TWSG1: variants seen among roughly 807,000 people sequenced by gnomAD.
TWSG1 encodes the protein twisted gastrulation BMP signaling modulator 1.
Under a neutral mutation model 23.0 loss-of-function variants are expected in TWSG1, and 15 were observed. The ratio of observed to expected loss-of-function variants is 0.65; its 90% CI spans 0.44 to 1.00. The LOEUF is 1.00. Among genes scored for constraint, TWSG1 ranks in the 50% least tolerant of loss-of-function variants. The pLI is 0.00. For missense variants in TWSG1, 242 were observed against 278.7 expected (o/e 0.87, Z 0.94); for synonymous variants, 86 against 92.8 (o/e 0.93, Z 0.42).
Position 9,396,479 on chromosome 18 carries a change from C to A in TWSG1, c.423C>A (p.Asn141Lys). The change falls in exon 4 of 5, where the codon AAC becomes AAA. Residue 141 changes from asparagine to lysine, a missense_variant. Physicochemically the swap from Asn to Lys is moderately conservative, Grantham distance 94. Coordinates refer to ENST00000262120, the MANE Select transcript of TWSG1 (RefSeq NM_020648.6). ...ENLVSFLETV[N>K]QPHHQNVSVP... ...TGGTTTCATTTTTAGAAACTGTGAACCAGCCACACCACCAGAATGTGTCTG... is the reference window on the plus strand; with the variant it reads ...TGGTTTCATTTTTAGAAACTGTGAAACAGCCACACCACCAGAATGTGTCTG... The A allele has an allele frequency of 6.2e-7, 1 of 1,614,104 alleles. No individual in the cohort carries two copies. The highest frequency in any genetic ancestry group is 8.5e-7 in the Non-Finnish European group (1 of 1,180,032).
At chr18:9,345,572 C>T (rs1271400419) in intron 2 of TWSG1, among the ~76,000 whole-genome samples, 5 of 152,258 alleles carry the variant, frequency 3.3e-5, no homozygotes, top group Middle Eastern at 3.4e-3. Flanking sequence ...TCACCATAAA[C>T]GGTTTATTTA....
intron 3 of TWSG1, among the ~76,000 whole-genome samples, chr18:9,374,214 G>T (rs2040618685): frequency 6.6e-6 from 1 of 151,866 alleles, no homozygotes; most frequent in Admixed American, 6.6e-5. Context: ...CAATGAAATT[G>T]AAAATAAGAA....
chr18:9,397,867 G>A (rs1168459024), intron 4 of TWSG1, among the ~76,000 whole-genome samples: 4 of 152,036 alleles, frequency 2.6e-5, no homozygotes, highest in Admixed American at 6.6e-5. Context: ...AGCTGGGCGT[G>A]GTAGCACATG....
chr18:9,365,536 C>T (rs1025399720), intron 3 of TWSG1, among the ~76,000 whole-genome samples: 3 of 151,830 alleles, frequency 2.0e-5, no homozygotes, highest in Non-Finnish European at 4.4e-5. Flanking sequence ...GCATGGGTGG[C>T]ATGTGCCTGT....
At chr18:9,337,104 GA>G in intron 1 of TWSG1, 88 bp from the exon 2 acceptor site, 1 of 1,143,294 alleles carries the variant, frequency 8.7e-7, no homozygotes, top group South Asian at 1.4e-5. Context: ...CACAAACAAT[GA>G]GTCTTAGTTT....
chr18:9,391,516 A>G (rs576918953), intron 3 of TWSG1, among the ~76,000 whole-genome samples: 1 of 152,212 alleles, frequency 6.6e-6, no homozygotes, highest in African/African-American at 2.4e-5. Context: ...CTTACAAGAT[A>G]TATTTCTTGT....
intron 4 of TWSG1, 125 bp from the exon 5 acceptor site, chr18:9,399,221 C>CA: frequency 3.6e-6 from 2 of 560,270 alleles, no homozygotes; most frequent in Non-Finnish European, 6.0e-6. Flanking sequence ...TCATCTTTGT[C>CA]ATGTACAGAC....
intron 3 of TWSG1, among the ~76,000 whole-genome samples, chr18:9,375,920 C>CTTTTTTTTTTTTTTT (rs535999368): frequency 6.7e-6 from 1 of 148,518 alleles, no homozygotes. Context: ...CATCTATAGA[C>CTTTTTTTTTTTTTTT]TTTTTTTTTT....
At chr18:9,395,677 C>T (rs1007694425) in intron 3 of TWSG1, among the ~76,000 whole-genome samples, 11 of 152,184 alleles carry the variant, frequency 7.2e-5, no homozygotes, top group African/African-American at 1.7e-4. Flanking sequence ...GAAATCCTCC[C>T]GCCTCAGCCT....
chr18:9,384,922 C>T (rs992419698), intron 3 of TWSG1, among the ~76,000 whole-genome samples: 3 of 152,154 alleles, frequency 2.0e-5, no homozygotes, highest in Non-Finnish European at 4.4e-5. Context: ...CTGGGATTTA[C>T]AGGCATGAGC....
chr18:9,360,290 G>C (rs796165530), intron 3 of TWSG1, among the ~76,000 whole-genome samples: 6 of 152,250 alleles, frequency 3.9e-5, no homozygotes, highest in African/African-American at 1.4e-4. Context: ...GTAGGAGTGG[G>C]GGGCCAAGGC....
At chr18:9,346,304 C>T (rs9945647) in intron 2 of TWSG1, among the ~76,000 whole-genome samples, 1 of 152,122 alleles carries the variant, frequency 6.6e-6, no homozygotes, top group African/African-American at 2.4e-5. Context: ...TCCTTTATGT[C>T]TTTTCATGGC....
At chr18:9,374,171 A>T (rs566275021) in intron 3 of TWSG1, among the ~76,000 whole-genome samples, 5 of 152,340 alleles carry the variant, frequency 3.3e-5, no homozygotes, top group African/African-American at 9.6e-5. Context: ...AAGTAAGCAG[A>T]AGAAAAGAAG....
chr18:9,340,347 G>A (rs564459092), intron 2 of TWSG1, among the ~76,000 whole-genome samples: 97 of 115,324 alleles, frequency 8.4e-4, no homozygotes, highest in South Asian at 1.4e-3. Context: ...CAGCCTGGGC[G>A]ACAGAGCAAG....
At chr18:9,369,524 C>T (rs1204500109) in intron 3 of TWSG1, among the ~76,000 whole-genome samples, 1 of 152,174 alleles carries the variant, frequency 6.6e-6, no homozygotes, top group Admixed American at 6.5e-5. Flanking sequence ...ACCTCGCCTT[C>T]CCAAATGCTG....
intron 2 of TWSG1, among the ~76,000 whole-genome samples, chr18:9,342,512 ATT>A (rs2040450371): frequency 1.3e-5 from 2 of 152,210 alleles, no homozygotes; most frequent in African/African-American, 4.8e-5. Context: ...AGGTACTATG[ATT>A]ACATTTCCCT....
chr18:9,371,527 C>G (rs1415897084), intron 3 of TWSG1, among the ~76,000 whole-genome samples: 1 of 152,084 alleles, frequency 6.6e-6, no homozygotes, highest in Admixed American at 6.5e-5. Context: ...AAACTCCTGA[C>G]CTCGTGATCC....
At chr18:9,345,428 A>C (rs1212143316) in intron 2 of TWSG1, among the ~76,000 whole-genome samples, 1 of 152,152 alleles carries the variant, frequency 6.6e-6, no homozygotes, top group Non-Finnish European at 1.5e-5. Context: ...AGGTGGGAAG[A>C]TCGCTTTAGC....
At chr18:9,375,297 G>A (rs2040624868) in intron 3 of TWSG1, among the ~76,000 whole-genome samples, 1 of 151,678 alleles carries the variant, frequency 6.6e-6, no homozygotes, top group Non-Finnish European at 1.5e-5. Flanking sequence ...ACCCATTCAT[G>A]ATAAAAACTC....
Sources: gnomAD v4.1 joint callset for allele counts (sites outside exome capture counted in the v4.1 genomes callset) on GRCh38, gnomAD v4.1.1 for gene constraint, MANE v1.5 for transcripts, NCBI Gene and HGNC (gene_info 2026-07-23, HGNC 2026-07-21) for gene names.